Variants in NRXN3 observed in about 807,000 individuals in gnomAD.
The protein encoded by NRXN3 is neurexin III.
NRXN3 carries 32 observed loss-of-function variants against 137.6 expected under a neutral mutation model. The observed-to-expected ratio is 0.23, with a 90% CI of 0.18 to 0.31. The LOEUF is 0.31. NRXN3 is among the 10% of genes least tolerant of loss of function. NRXN3 has a pLI of 1.00. For synonymous variants in NRXN3, 798 were observed against 784.5 expected (o/e 1.02, Z -0.29); for missense variants, 1,574 against 2,062.5 (o/e 0.76, Z 4.59).
intron 15 of NRXN3, among the ~76,000 whole-genome samples, chr14:79,182,414 G>T (rs972399951): frequency 6.6e-6 from 1 of 151,766 alleles, no homozygotes; most frequent in Non-Finnish European, 1.5e-5. Flanking sequence ...CCCATATGGT[G>T]GTGATGACAG....
At chr14:78,721,066 G>T (rs1042630976) in intron 8 of NRXN3, among the ~76,000 whole-genome samples, 1 of 152,104 alleles carries the variant, frequency 6.6e-6, no homozygotes, top group African/African-American at 2.4e-5. Flanking sequence ...ATCTACCAGT[G>T]TCAATGATTC....
At chr14:78,460,802 A>C (rs914205474) in intron 4 of NRXN3, among the ~76,000 whole-genome samples, 1 of 86,470 alleles carries the variant, frequency 1.2e-5, no homozygotes, top group Non-Finnish European at 3.2e-5. Flanking sequence ...GTGGTCTATG[A>C]TATTGGGATT....
At chr14:78,540,435 C>CTTTT (rs537566835) in intron 4 of NRXN3, among the ~76,000 whole-genome samples, 54 of 116,584 alleles carry the variant, frequency 4.6e-4, no homozygotes, top group African/African-American at 1.5e-3. Context: ...GCAACCCCTG[C>CTTTT]TTTTTTTTTT....
chr14:79,384,592 G>A (rs564641796), intron 15 of NRXN3, among the ~76,000 whole-genome samples: 1 of 152,072 alleles, frequency 6.6e-6, no homozygotes, highest in Non-Finnish European at 1.5e-5. Flanking sequence ...CAAAGTTTTG[G>A]CCTCATTTCT....
chr14:79,805,600 A>G (rs996954173), intron 20 of NRXN3, among the ~76,000 whole-genome samples: 1 of 152,172 alleles, frequency 6.6e-6, no homozygotes, highest in African/African-American at 2.4e-5. Context: ...GGAGGAGCTT[A>G]AAGATTGGTA....
At chr14:78,912,513 A>C (rs1434285007) in intron 10 of NRXN3, among the ~76,000 whole-genome samples, 2 of 151,978 alleles carry the variant, frequency 1.3e-5, no homozygotes, top group East Asian at 3.9e-4. Flanking sequence ...GCTTAGTTTC[A>C]TGTCACTGCT....
At chr14:79,165,976 C>T (rs1477738471) in intron 15 of NRXN3, among the ~76,000 whole-genome samples, 2 of 151,950 alleles carry the variant, frequency 1.3e-5, no homozygotes, top group Admixed American at 1.3e-4. Context: ...TACAAATGGC[C>T]ATCACAATGC....
intron 1 of NRXN3, among the ~76,000 whole-genome samples, chr14:78,239,296 A>AT (rs1380291636): frequency 6.6e-5 from 10 of 152,150 alleles, no homozygotes; most frequent in African/African-American, 2.4e-4. Context: ...TCTGAAGTAA[A>AT]CTTGTCCCCC....
chr14:79,346,824 T>C (rs2092910533), intron 15 of NRXN3, among the ~76,000 whole-genome samples: 1 of 152,196 alleles, frequency 6.6e-6, no homozygotes, highest in South Asian at 2.1e-4. Flanking sequence ...TGTTAACTTA[T>C]TTACATGGAT....
rs182012931 is a variant in NRXN3, at chr14:79,163,841, T to C, written c.3262+175700T>C. Among the ~76,000 whole-genome samples the C allele has an allele frequency of 1.9e-3, 292 of 152,106 alleles. 1 individual carries two copies. The highest frequency in any genetic ancestry group is 6.0e-3 in the African/African-American group (248 of 41,554). The stretch of plus-strand genomic sequence containing the variant: ...ATAAAAATCATGTCCTTTCCCATGT[T>C]ATTTATAGTACTTTTTTCTAAAAAT... On this transcript the variant is annotated intron_variant, in intron 15 of 20. Transcript: ENST00000335750.
chr14:79,684,510 C>A (rs2098686906), intron 17 of NRXN3, among the ~76,000 whole-genome samples: 1 of 152,090 alleles, frequency 6.6e-6, no homozygotes, highest in African/African-American at 2.4e-5. Flanking sequence ...ATTTTATAAA[C>A]ACTGGCAATT....
chr14:79,585,616 C>T (rs1270700450), intron 16 of NRXN3, among the ~76,000 whole-genome samples: 3 of 135,702 alleles, frequency 2.2e-5, no homozygotes, highest in Non-Finnish European at 4.6e-5. Flanking sequence ...ACCCGGGAGG[C>T]GGAGGTTGCA....
At chr14:78,870,572 A>G (rs2099098821) in intron 10 of NRXN3, among the ~76,000 whole-genome samples, 1 of 152,080 alleles carries the variant, frequency 6.6e-6, no homozygotes, top group Non-Finnish European at 1.5e-5. Context: ...ATATACAAAT[A>G]AATTATTGTT....
chr14:78,343,777 C>T lies in NRXN3; in HGVS notation c.757+45917C>T, dbSNP rs558401543. 3.5e-4 allele frequency among the ~76,000 whole-genome samples: 54 copies of T among 152,314 alleles called. No homozygotes were observed. In the Middle Eastern group the frequency reaches 0.027, roughly 77 times the overall value. ...TGTTCTCCACCTTGGCCGCACATTG[C>T]AATCACCTGGGGAGACTTTAAAAGT... On this transcript the variant is annotated intron_variant, in intron 4 of 20. Coordinates refer to ENST00000335750, the MANE Select transcript of NRXN3 (RefSeq NM_001330195.2).
intron 4 of NRXN3, among the ~76,000 whole-genome samples, chr14:78,352,165 C>G (rs1459589006): frequency 6.6e-6 from 1 of 151,292 alleles, no homozygotes; most frequent in African/African-American, 2.4e-5. Flanking sequence ...TTCTTCTGAC[C>G]ATTAGGTCTC....
chr14:78,922,608 A>G (rs2099273928), intron 10 of NRXN3, among the ~76,000 whole-genome samples: 1 of 152,214 alleles, frequency 6.6e-6, no homozygotes, highest in Non-Finnish European at 1.5e-5. Context: ...ACAGAAAACC[A>G]AACGCCACAT....
intron 16 of NRXN3, among the ~76,000 whole-genome samples, chr14:79,469,895 A>C (rs927346649): frequency 1.3e-5 from 2 of 152,210 alleles, no homozygotes; most frequent in South Asian, 4.1e-4. Flanking sequence ...TCATACTTGA[A>C]AGTAAAGAAA....
chr14:78,546,253 A>G (rs1453753823), intron 4 of NRXN3, among the ~76,000 whole-genome samples: 1 of 152,212 alleles, frequency 6.6e-6, no homozygotes, highest in Admixed American at 6.5e-5. Flanking sequence ...AAATTGTGCC[A>G]GCTGAGAAGT....
At chr14:78,475,127 T>C (rs989491186) in intron 4 of NRXN3, among the ~76,000 whole-genome samples, 1 of 152,176 alleles carries the variant, frequency 6.6e-6, no homozygotes, top group African/African-American at 2.4e-5. Context: ...ATATAAGGGG[T>C]ACATGAATGA....
Sources: allele counts gnomAD v4.1 joint callset (sites outside exome capture counted in the v4.1 genomes callset), GRCh38; gene constraint gnomAD v4.1.1; transcripts MANE v1.5; gene names NCBI Gene and HGNC (gene_info 2026-07-23, HGNC 2026-07-21).